COL20A1: variants seen among roughly 807,000 people sequenced by gnomAD.
The protein encoded by COL20A1 is collagen type XX alpha 1 chain, also known as collagen alpha-1(XX) chain.
COL20A1 carries 164 observed loss-of-function variants against 152.9 expected under a neutral mutation model. The observed-to-expected ratio is 1.07, with a 90% CI of 0.94 to 1.22. The LOEUF (loss-of-function observed/expected upper bound fraction) is 1.22, where lower values mean the gene tolerates loss of function less well. Among genes scored for constraint, COL20A1 ranks in the 50% most tolerant of loss-of-function variants. The pLI is 0.00. For synonymous variants in COL20A1, 864 were observed against 756.0 expected (o/e 1.14, Z -2.34); for missense variants, 1,873 against 1,744.8 (o/e 1.07, Z -1.31).
In COL20A1 at chr20:63,319,192, T is replaced by C; in HGVS notation, c.2798T>C (p.Leu933Pro). 6.2e-7 allele frequency: 1 copy of C among 1,612,368 alleles called. No individual in the cohort carries two copies. The highest frequency in any genetic ancestry group is 2.2e-5 in the East Asian group (1 of 44,794). Residue 933 changes from leucine (L) to proline (P), a missense_variant, in exon 22 of 36, where the codon CTG becomes CCG. Transcript: ENST00000358894. The surrounding 1 kb of genome is among the most constrained non-coding windows in gnomAD (Gnocchi z 4.4). ...GACTTCCAGCCCCTCCTTGGGGTTC[T>C]GCTGGATGGTGACGTGGGCCCCGCG... ...AEDFQPLLGVLLDAGKKSLTY... is the reference protein window; with the variant it reads ...AEDFQPLLGVPLDAGKKSLTY...
chr20:63,293,879 G>T, intron 1 of COL20A1, among the ~76,000 whole-genome samples: 1 of 117,208 alleles, frequency 8.5e-6, no homozygotes, highest in Non-Finnish European at 1.8e-5. Context: ...GGGAGGGGGC[G>T]TGTATTGGGG....
chr20:63,325,400 GC>G (rs1472144277), intron 27 of COL20A1, 40 bp from the exon 28 acceptor site: 2 of 1,486,956 alleles, frequency 1.3e-6, no homozygotes, highest in South Asian at 1.1e-5. Flanking sequence ...CCTGCCCTGT[GC>G]CCCCTCCGCT....
chr20:63,298,488 A>G (rs2067827128), intron 3 of COL20A1, among the ~76,000 whole-genome samples: 1 of 151,852 alleles, frequency 6.6e-6, no homozygotes, highest in African/African-American at 2.4e-5. Flanking sequence ...AAGAGGTTTC[A>G]CCATGTTGCC....
Position 63,305,985 on chromosome 20 carries a change from C to T in COL20A1, c.442C>T (p.Gln148Ter). ...CCACACGGGGAGCCCAGACCCTGAG[C>T]AGGCTTCTGAGCCCCAAGTTGCCTT... ...PSHTGSPDPE[Q>*]ASEPQVAFTP... The change falls in exon 5 of 36, where the codon CAG becomes TAG. Residue 148 changes from glutamine (Q) to a stop codon, truncating the protein, a stop_gained. Coordinates refer to ENST00000358894, the MANE Select transcript of COL20A1 (RefSeq NM_020882.4). LOFTEE classifies it high-confidence loss of function. The surrounding 1 kb of genome is among the most constrained non-coding windows in gnomAD (Gnocchi z 4.9). The T allele has an allele frequency of 6.2e-7, 1 of 1,612,786 alleles. No individual in the cohort carries two copies. The highest frequency in any genetic ancestry group is 8.5e-7 in the Non-Finnish European group (1 of 1,179,778).
chr20:63,321,536 CTG>C (rs1162093561), intron 26 of COL20A1, among the ~76,000 whole-genome samples: 5 of 152,230 alleles, frequency 3.3e-5, no homozygotes, highest in Admixed American at 3.3e-4. Context: ...CGTGGGCCGG[CTG>C]TGAGTCACAG....
chr20:63,323,478 C>A (rs911217915), intron 27 of COL20A1, among the ~76,000 whole-genome samples: 1 of 152,200 alleles, frequency 6.6e-6, no homozygotes. Context: ...TGCTTCCAGG[C>A]ACTTTTCGAC....
At position 63,310,402 on chromosome 20, in the gene COL20A1, G is replaced by A. The variant is rs370533858; in HGVS notation, c.1285G>A (p.Ala429Thr). The change falls in exon 11 of 36, where the codon GCC (alanine) becomes ACC (threonine). Residue 429 changes from alanine to threonine, a missense_variant. Transcript: ENST00000358894. ...CCAGGTGGTGGTGGAGGGACCCGCC[G>A]CCTCCACGGAGCTGCACAACCTGGC... is the stretch of plus-strand genomic sequence containing the variant. ...PREVVVEGPA[A>T]STELHNLASR... The A allele has an allele frequency of 6.6e-5, 107 of 1,610,758 alleles. No individual in the cohort carries two copies. Among genetic ancestry groups the A allele is most frequent in the East Asian group, 6.2e-4 (28 of 44,812 alleles).
In COL20A1 at chr20:63,310,473, C is replaced by T. The variant is rs751998432; in HGVS notation, c.1356C>T (p.Gly452=). 1.6e-5 allele frequency: 26 copies of T among 1,606,758 alleles called. No homozygotes were observed. In the South Asian group the frequency reaches 1.7e-4, roughly 10 times the overall value. The change falls in exon 11 of 36, where the codon GGC becomes GGT. Residue 452 remains glycine (G), a synonymous_variant. Coordinates refer to ENST00000358894, the MANE Select transcript of COL20A1 (RefSeq NM_020882.4). The part of the protein sequence containing the change: ...YLVSVFPIYE[G]GVGEGLRGLV... Reference sequence around the variant, plus strand: ...TCTCCGTGTTCCCCATCTATGAGGGCGGGGTTGGCGAAGGCCTGCGGGGCC... The same window carrying T: ...TCTCCGTGTTCCCCATCTATGAGGGTGGGGTTGGCGAAGGCCTGCGGGGCC...
chr20:63,320,261 C>T (rs376808002), intron 24 of COL20A1, 30 bp from the exon 25 acceptor site: 78 of 1,606,750 alleles, frequency 4.9e-5, no homozygotes, highest in East Asian at 6.7e-5. Flanking sequence ...CTCTGAGCCC[C>T]GGGGCTGAGC....
At position 63,309,503 on chromosome 20, in the gene COL20A1, G is replaced by A. The variant is rs1429781366; in HGVS notation, c.1105+6G>A. On this transcript the variant is annotated splice_donor_region_variant and intron_variant, in intron 9 of 35. Coordinates refer to ENST00000358894, the MANE Select transcript of COL20A1 (RefSeq NM_020882.4). Reference sequence around the variant, plus strand: ...GAGCCCGCGGCAGGGCCCAGGTGAGGGGCAGGGTCACCCGCACAGGCTGCA... The same window carrying A: ...GAGCCCGCGGCAGGGCCCAGGTGAGAGGCAGGGTCACCCGCACAGGCTGCA... 4.0e-6 allele frequency: 6 copies of A among 1,503,742 alleles called. No individual in the cohort carries two copies. The highest frequency in any genetic ancestry group is 5.3e-6 in the Non-Finnish European group (6 of 1,121,970). 93.1% of individuals were successfully genotyped at this position (1,503,742 alleles called of 1,614,324 possible).
In COL20A1 at chr20:63,305,797, GC is replaced by G; in HGVS notation, c.338-81del. The stretch of plus-strand genomic sequence containing the variant: ...CTGGGCCCTCAGCACCCACAGATGC[GC>G]CCTTGAAGGGGTGTATGTGCAGCTG... On this transcript the variant is annotated intron_variant, in intron 4 of 35. Coordinates refer to ENST00000358894, the MANE Select transcript of COL20A1 (RefSeq NM_020882.4). This position sits in a 1 kb window ranked among gnomAD's most constrained non-coding sequence, Gnocchi z 4.9. 7.2e-7 allele frequency: 1 copy of G among 1,393,584 alleles called. No individual in the cohort carries two copies. The highest frequency in any genetic ancestry group is 1.2e-5 in the South Asian group (1 of 82,978). The allele number at this position is 1,393,584 out of a possible 1,614,324, so 86.3% of individuals were successfully genotyped here. A position where few individuals can be genotyped will look rare whatever the true frequency, so the allele number is the denominator to read the frequency against.
chr20:63,313,257 C>G lies in COL20A1; in HGVS notation c.2209+8C>G, dbSNP rs1490818663. 69 of 1,603,486 alleles carry G rather than the reference C, an allele frequency of 4.3e-5. No individual in the cohort carries two copies. The highest frequency in any genetic ancestry group is 5.8e-5 in the Non-Finnish European group (68 of 1,173,702). On this transcript the variant is annotated splice_region_variant and intron_variant, in intron 17 of 35. Transcript: ENST00000358894. This position sits in a 1 kb window ranked among gnomAD's most constrained non-coding sequence, Gnocchi z 5.9. ...CCCTCCGCTATACCCCCTGTAGGTG[C>G]CCCTCCACTTCCCCTCTGCTGGGTG...
At chr20:63,328,034 G>T (rs776521262) in intron 32 of COL20A1, 45 bp from the exon 33 acceptor site, 1 of 1,612,594 alleles carries the variant, frequency 6.2e-7, no homozygotes, top group Non-Finnish European at 8.5e-7. Context: ...TCCTGGGAAG[G>T]CACCTGCCAC....
intron 2 of COL20A1, among the ~76,000 whole-genome samples, chr20:63,297,470 A>G (rs1330784692): frequency 6.6e-6 from 1 of 151,938 alleles, no homozygotes; most frequent in African/African-American, 2.4e-5. Flanking sequence ...CAGGGGCCCC[A>G]GCTCAGGGGA....
At chr20:63,325,264 T>C (rs2068225953) in intron 27 of COL20A1, 177 bp from the exon 28 acceptor site, 1 of 710,146 alleles carries the variant, frequency 1.4e-6, no homozygotes, top group South Asian at 1.5e-5. Flanking sequence ...TGCCTGTGTC[T>C]CCAGGGAGAG....
chr20:63,312,374 C>G (rs1279851443), intron 14 of COL20A1, 46 bp from the exon 15 acceptor site: 4 of 1,489,246 alleles, frequency 2.7e-6, no homozygotes, highest in African/African-American at 2.8e-5. Flanking sequence ...AGCAAGGGCT[C>G]CAGGCACCAG....
intron 1 of COL20A1, among the ~76,000 whole-genome samples, chr20:63,293,716 C>T (rs1016914728): frequency 9.2e-5 from 14 of 152,080 alleles, no homozygotes; most frequent in Non-Finnish European, 1.6e-4. Context: ...CCCTCAGGTG[C>T]CTCCTGTTCC....
In COL20A1 at chr20:63,312,961, G is replaced by A. The variant is rs6010898; in HGVS notation, c.2076+27G>A. 1.6e-4 allele frequency: 243 copies of A among 1,531,728 alleles called. 2 individuals are homozygous for A. The African/African-American group carries it at 2.4e-3, about 15-fold the overall frequency. The allele number at this position is 1,531,728 out of a possible 1,614,324, so 94.9% of individuals were successfully genotyped here. On this transcript the variant is annotated intron_variant, in intron 16 of 35. Coordinates refer to ENST00000358894, the MANE Select transcript of COL20A1 (RefSeq NM_020882.4). Reference sequence around the variant, plus strand: ...TGGGCAGGGGTGGGTTTGTCCTTCCGAGGGGCCCCCCGTGGGCCCCTAGTC... The same window carrying A: ...TGGGCAGGGGTGGGTTTGTCCTTCCAAGGGGCCCCCCGTGGGCCCCTAGTC...
intron 35 of COL20A1, 24 bp downstream of exon 35, chr20:63,329,685 A>G (rs905165302): frequency 2.0e-6 from 3 of 1,511,738 alleles, no homozygotes; most frequent in African/African-American, 3.2e-5. Flanking sequence ...GCCTGCATCT[A>G]TCTGCCAAGG....
Sources: allele counts gnomAD v4.1 joint callset (sites outside exome capture counted in the v4.1 genomes callset), GRCh38; gene constraint gnomAD v4.1.1; non-coding constraint Gnocchi (gnomAD v3.1); transcripts MANE v1.5; gene names NCBI Gene and HGNC (gene_info 2026-07-23, HGNC 2026-07-21).